Variants in HIVEP3 observed in about 807,000 individuals in gnomAD.
The protein encoded by HIVEP3 is transcription factor HIVEP3.
Under a neutral mutation model 152.8 loss-of-function variants are expected in HIVEP3, and 49 were observed. That is an observed-to-expected ratio of 0.32 (90% CI 0.26 to 0.41). The LOEUF is 0.41. HIVEP3 is among the 10% of genes least tolerant of loss of function. The probability of loss-of-function intolerance (pLI) is 1.00; values close to 1 mark genes in which losing one functional copy is unlikely to be tolerated. For synonymous variants in HIVEP3, 1,269 were observed against 1,289.0 expected (o/e 0.98, Z 0.33); for missense variants, 2,790 against 3,103.3 (o/e 0.90, Z 2.40).
chr1:41,956,405 A>G (rs1350323753), intron 1 of HIVEP3, among the ~76,000 whole-genome samples: 2 of 152,216 alleles, frequency 1.3e-5, no homozygotes, highest in African/African-American at 4.8e-5. Context: ...CCTAAGCAAG[A>G]AAAACAATAC....
chr1:41,832,157 CAGA>C (rs1642982761), intron 1 of HIVEP3, among the ~76,000 whole-genome samples: 1 of 152,180 alleles, frequency 6.6e-6, no homozygotes, highest in African/African-American at 2.4e-5. Context: ...TGTAAAAGTA[CAGA>C]AGAAGGAACT....
At chr1:41,961,927 A>C (rs1314150718) in intron 1 of HIVEP3, among the ~76,000 whole-genome samples, 2 of 152,134 alleles carry the variant, frequency 1.3e-5, no homozygotes, top group Non-Finnish European at 2.9e-5. Flanking sequence ...GGTTTTCCTT[A>C]ATCAGGTGCC....
intron 3 of HIVEP3, among the ~76,000 whole-genome samples, chr1:41,615,400 G>C (rs1644952694): frequency 6.6e-6 from 1 of 152,192 alleles, no homozygotes; most frequent in Non-Finnish European, 1.5e-5. Flanking sequence ...CCCTCAGCCT[G>C]GCTTCCCCAT....
At chr1:41,982,450 G>T (rs1645298629) in intron 1 of HIVEP3, among the ~76,000 whole-genome samples, 2 of 152,158 alleles carry the variant, frequency 1.3e-5, no homozygotes, top group Non-Finnish European at 2.9e-5. Flanking sequence ...AGCCACAGCA[G>T]AAATCAACAG....
chr1:41,883,987 G>A (rs900056008), intron 1 of HIVEP3, among the ~76,000 whole-genome samples: 29 of 152,216 alleles, frequency 1.9e-4, no homozygotes, highest in East Asian at 9.6e-4. Context: ...TTTTGAGATG[G>A]AGTCTCACTC....
intron 2 of HIVEP3, among the ~76,000 whole-genome samples, chr1:41,673,879 T>C (rs1180422055): frequency 2.0e-5 from 3 of 152,192 alleles, no homozygotes; most frequent in African/African-American, 4.8e-5. Context: ...GTTAAAAGCA[T>C]CACGTTAGGT....
At chr1:41,529,234 TCA>T (rs201149951) in intron 5 of HIVEP3, among the ~76,000 whole-genome samples, 4,946 of 87,018 alleles carry the variant, frequency 0.057, 617 homozygotes, top group African/African-American at 0.24. Context: ...TCACACATGC[TCA>T]CACCCCCACT....
chr1:41,876,024 G>A (rs1644164573), intron 1 of HIVEP3, among the ~76,000 whole-genome samples: 1 of 151,932 alleles, frequency 6.6e-6, no homozygotes, highest in Admixed American at 6.5e-5. Context: ...CTGGGTTTGG[G>A]TTCCTATAAA....
chr1:41,840,190 C>T (rs78612124), intron 1 of HIVEP3, among the ~76,000 whole-genome samples: 10 of 152,118 alleles, frequency 6.6e-5, no homozygotes, highest in Admixed American at 3.9e-4. Context: ...GTCCCCCCAA[C>T]GTTCACATCC....
intron 2 of HIVEP3, among the ~76,000 whole-genome samples, chr1:41,680,212 T>G (rs567552251): frequency 4.9e-4 from 75 of 152,292 alleles, no homozygotes; most frequent in Non-Finnish European, 1.0e-3. Flanking sequence ...GGCCTGACAT[T>G]GGGCCACTCC....
At chr1:41,698,758 C>G (rs1288192764) in intron 2 of HIVEP3, among the ~76,000 whole-genome samples, 2 of 152,182 alleles carry the variant, frequency 1.3e-5, no homozygotes, top group Non-Finnish European at 2.9e-5. Context: ...CCCCACCCCC[C>G]ACAATGCTTC....
At chr1:41,542,732 A>T (rs1324268879) in intron 5 of HIVEP3, 1 of 153,058 alleles carries the variant, frequency 6.5e-6, no homozygotes, top group Admixed American at 6.5e-5. Context: ...TGGAATGTGA[A>T]GCATTTCAGC....
intron 5 of HIVEP3, among the ~76,000 whole-genome samples, chr1:41,557,507 A>C (rs181353575): frequency 2.4e-4 from 36 of 152,332 alleles, no homozygotes; most frequent in African/African-American, 8.7e-4. Context: ...GCACCTGCAC[A>C]GAGGGATAGA....
intron 5 of HIVEP3, among the ~76,000 whole-genome samples, chr1:41,546,900 C>A (rs1199575903): frequency 6.6e-6 from 1 of 152,220 alleles, no homozygotes; most frequent in Non-Finnish European, 1.5e-5. Flanking sequence ...CAGGAGGCAG[C>A]CCTGTGACTA....
chr1:41,719,760 T>G (rs1219766547), intron 1 of HIVEP3, among the ~76,000 whole-genome samples: 2 of 152,184 alleles, frequency 1.3e-5, no homozygotes, highest in African/African-American at 4.8e-5. Flanking sequence ...TCAGGGTCAC[T>G]TCAACCTCAC....
rs1645725550 is a variant in HIVEP3 at position 41,662,220 on chromosome 1, C to G, written c.-720-33273G>C. On this transcript the variant is annotated intron_variant, in intron 2 of 8. Coordinates refer to ENST00000372583, the MANE Select transcript of HIVEP3 (RefSeq NM_024503.5). The surrounding 1 kb of genome is among the most constrained non-coding windows in gnomAD (Gnocchi z 7.2). ...CTGGGCTGCGCGCCCGGCCTCCGCG[C>G]GGCTCGGCAGCGCCCGCGCGCTCGG... 1.4e-5 allele frequency: 2 copies of G among 145,596 alleles called. No homozygotes were observed. Among genetic ancestry groups the G allele is most frequent in the Non-Finnish European group, 3.1e-5 (2 of 65,528 alleles). The allele number at this position is 145,596 out of a possible 1,614,324, so 9.0% of individuals were successfully genotyped here. A position where few individuals can be genotyped will look rare whatever the true frequency, so the allele number is the denominator to read the frequency against.
intron 2 of HIVEP3, among the ~76,000 whole-genome samples, chr1:41,689,757 T>C (rs1203207902): frequency 6.6e-6 from 1 of 152,254 alleles, no homozygotes; most frequent in Non-Finnish European, 1.5e-5. Context: ...CTGGCCCAGC[T>C]AATCCAAACC....
intron 3 of HIVEP3, among the ~76,000 whole-genome samples, chr1:41,593,314 G>GT (rs1043207679): frequency 1.5e-4 from 23 of 151,496 alleles, no homozygotes; most frequent in East Asian, 1.4e-3. Context: ...TCTGCGACTT[G>GT]TTTTTTTTCT....
At position 41,538,306 on chromosome 1, in the gene HIVEP3, C is replaced by T. The variant is rs182676510; in HGVS notation, c.5208-13396G>A. Reference sequence around the variant, plus strand: ...TGTAGAGAGCCCAGCTGGACAGAGGCGAGGGCAAGAGGAAAGAGGACCTAG... The same window carrying T: ...TGTAGAGAGCCCAGCTGGACAGAGGTGAGGGCAAGAGGAAAGAGGACCTAG... On this transcript the variant is annotated intron_variant, in intron 5 of 8. Coordinates refer to ENST00000372583, the MANE Select transcript of HIVEP3 (RefSeq NM_024503.5). Among the ~76,000 whole-genome samples the T allele has an allele frequency of 6.0e-3, 916 of 151,978 alleles. 5 individuals carry two copies. The highest frequency in any genetic ancestry group is 0.021 in the African/African-American group (880 of 41,432).
Sources: gnomAD v4.1 joint callset for allele counts (sites outside exome capture counted in the v4.1 genomes callset) on GRCh38, gnomAD v4.1.1 for gene constraint, Gnocchi (gnomAD v3.1) non-coding constraint, MANE v1.5 for transcripts, NCBI Gene and HGNC (gene_info 2026-07-23, HGNC 2026-07-21) for gene names.